NCF4: variants seen among roughly 807,000 people sequenced by gnomAD.
NCF4 encodes neutrophil cytosol factor 4.
In NCF4, 30 loss-of-function variants were observed where a neutral mutation model predicts 41.7. The ratio of observed to expected loss-of-function variants is 0.72; its 90% confidence interval spans 0.54 to 0.97. NCF4 has a LOEUF of 0.97. NCF4 is among the 50% of genes least tolerant of loss of function. NCF4 has a pLI of 0.00. For synonymous variants in NCF4, 195 were observed against 175.8 expected (o/e 1.11, Z -0.87); for missense variants, 432 against 460.9 (o/e 0.94, Z 0.57).
intron 5 of NCF4, 50 bp downstream of exon 5, chr22:36,870,592 G>A (rs1463785420): frequency 6.3e-7 from 1 of 1,599,432 alleles, no homozygotes; most frequent in Non-Finnish European, 8.5e-7. Flanking sequence ...CTGGGTCCCT[G>A]CTGGAAAAGC....
Position 36,870,186 on chromosome 22 carries a change from GC to G in NCF4, c.343-225del. 5.0e-6 allele frequency: 3 copies of G among 605,508 alleles called. 1 individual carries two copies. Among genetic ancestry groups the G allele is most frequent in the South Asian group, 3.9e-5 (2 of 51,844 alleles). The allele number at this position is 605,508 out of a possible 1,614,324, so 37.5% of individuals were successfully genotyped here. On this transcript the variant is annotated intron_variant, in intron 4 of 9. Coordinates refer to ENST00000248899, the MANE Select transcript of NCF4 (RefSeq NM_000631.5). ...TCTTTTCCAAATGGACTCTTCTCAA[GC>G]CCCTGGTCCCTCTCCTGACCTTGGA...
chr22:36,870,249 T>G (rs959207302), intron 4 of NCF4, 166 bp from the exon 5 acceptor site: 7 of 980,778 alleles, frequency 7.1e-6, no homozygotes, highest in Non-Finnish European at 1.1e-5. Flanking sequence ...ACCTTCAGCA[T>G]GCTGAGTTTT....
At chr22:36,861,318 A>G in intron 1 of NCF4, 115 bp downstream of exon 1, 1 of 1,343,230 alleles carries the variant, frequency 7.4e-7, no homozygotes, top group Non-Finnish European at 1.0e-6. Context: ...GGGTTGAGTC[A>G]GAACCCAAAT....
intron 6 of NCF4, among the ~76,000 whole-genome samples, chr22:36,871,953 C>T (rs1007525190): frequency 6.6e-6 from 1 of 152,268 alleles, no homozygotes; most frequent in Non-Finnish European, 1.5e-5. Context: ...CTACGCTCAT[C>T]CGGACAGTTT....
At position 36,867,423 on chromosome 22, in the gene NCF4, C is replaced by G; in HGVS notation, c.303C>G (p.Ile101Met). 1 of 1,614,164 alleles carries G rather than the reference C, an allele frequency of 6.2e-7. No individual in the cohort carries two copies. Residue 101 changes from isoleucine (I) to methionine (M), a missense_variant, in exon 4 of 10, where the codon ATC (isoleucine) becomes ATG (methionine). Ile to Met is a conservative substitution (Grantham distance 10). Coordinates refer to ENST00000248899, the MANE Select transcript of NCF4 (RefSeq NM_000631.5). ...AKVYVGVKQE[I>M]AEMRIPALNA... ...TCTACGTGGGTGTGAAACAGGAGAT[C>G]GCCGAGATGCGGATACCTGCCCTCA...
chr22:36,868,866 C>T (rs1442054940), intron 4 of NCF4, among the ~76,000 whole-genome samples: 2 of 152,168 alleles, frequency 1.3e-5, no homozygotes, highest in African/African-American at 4.8e-5. Context: ...TGCATACCCT[C>T]AGAGATGGGG....
At chr22:36,868,469 C>T (rs1315183712) in intron 4 of NCF4, among the ~76,000 whole-genome samples, 1 of 152,164 alleles carries the variant, frequency 6.6e-6, no homozygotes, top group Non-Finnish European at 1.5e-5. Flanking sequence ...ATCTTGACTC[C>T]TGATGGAGGG....
chr22:36,864,469 C>T (rs914635911), intron 2 of NCF4, among the ~76,000 whole-genome samples: 1 of 152,182 alleles, frequency 6.6e-6, no homozygotes, highest in Non-Finnish European at 1.5e-5. Context: ...ACCTCAGAAC[C>T]TCCACCTGGA....
At chr22:36,869,883 G>A (rs1940012000) in intron 4 of NCF4, among the ~76,000 whole-genome samples, 1 of 152,170 alleles carries the variant, frequency 6.6e-6, no homozygotes, top group Non-Finnish European at 1.5e-5. Context: ...GCCACCAACT[G>A]TTGTTAATTT....
At chr22:36,861,224 G>GC (rs1462420622) in intron 1 of NCF4, 21 bp downstream of exon 1, 3 of 1,551,162 alleles carry the variant, frequency 1.9e-6, no homozygotes, top group Non-Finnish European at 2.6e-6. Flanking sequence ...GGGTGTGGCC[G>GC]CCCCCGGGCC....
At chr22:36,873,687 G>A (rs563673562) in intron 7 of NCF4, among the ~76,000 whole-genome samples, 96 of 152,246 alleles carry the variant, frequency 6.3e-4, no homozygotes, top group African/African-American at 2.2e-3. Flanking sequence ...TCTGTAATGG[G>A]TGTCTCAGCA....
intron 1 of NCF4, 95 bp from the exon 2 acceptor site, chr22:36,863,947 CACA>C: frequency 8.7e-7 from 1 of 1,155,482 alleles, no homozygotes; most frequent in African/African-American, 1.5e-5. Context: ...ATGTTGGCTT[CACA>C]ACATTAGTTT....
In NCF4 at chr22:36,865,862, G is replaced by A. The variant is rs1278750556; in HGVS notation, c.271+790G>A. On this transcript the variant is annotated intron_variant, in intron 3 of 9. Coordinates refer to ENST00000248899, the MANE Select transcript of NCF4 (RefSeq NM_000631.5). This position sits in a 1 kb window ranked among gnomAD's most constrained non-coding sequence, Gnocchi z 4.3. ...TCTCTCTGTCTCAGCATATGACCCC[G>A]CTCCTTCTCATCCAGCCCCACCAAG... Among the ~76,000 whole-genome samples the A allele has an allele frequency of 1.3e-5, 2 of 151,844 alleles. No homozygotes were observed. Among genetic ancestry groups the A allele is most frequent in the Admixed American group, 6.6e-5 (1 of 15,236 alleles).
intron 3 of NCF4, among the ~76,000 whole-genome samples, chr22:36,866,257 CA>C (rs986111394): frequency 1.3e-5 from 2 of 152,080 alleles, no homozygotes; most frequent in Non-Finnish European, 2.9e-5. Flanking sequence ...CTGACTACTC[CA>C]CTGAAATTCC....
chr22:36,876,485 G>A (rs773476247), intron 9 of NCF4, among the ~76,000 whole-genome samples: 2 of 152,254 alleles, frequency 1.3e-5, no homozygotes, highest in Non-Finnish European at 1.5e-5. Flanking sequence ...TATAAAACTT[G>A]TACCAACTCA....
At chr22:36,871,511 G>A in intron 5 of NCF4, 141 bp from the exon 6 acceptor site, 1 of 909,562 alleles carries the variant, frequency 1.1e-6, no homozygotes, top group Non-Finnish European at 1.8e-6. Flanking sequence ...CCGCCCAGAG[G>A]AGCAATTGCA....
chr22:36,872,750 T>C, intron 7 of NCF4, among the ~76,000 whole-genome samples: 1 of 145,458 alleles, frequency 6.9e-6, no homozygotes, highest in African/African-American at 2.6e-5. Flanking sequence ...AGATTGGAGG[T>C]GAGGATGGAG....
chr22:36,862,027 G>A (rs566432947), intron 1 of NCF4, among the ~76,000 whole-genome samples: 77 of 152,328 alleles, frequency 5.1e-4, no homozygotes, highest in African/African-American at 1.9e-3. Context: ...CAAGGTTGGG[G>A]CTTGGAGCAC....
At chr22:36,864,566 G>T (rs560952239) in intron 2 of NCF4, among the ~76,000 whole-genome samples, 11 of 152,284 alleles carry the variant, frequency 7.2e-5, no homozygotes, top group Non-Finnish European at 1.2e-4. Flanking sequence ...TGCACCCACA[G>T]CACAGCCAGG....
Sources: gnomAD v4.1 joint callset for allele counts (sites outside exome capture counted in the v4.1 genomes callset) on GRCh38, gnomAD v4.1.1 for gene constraint, Gnocchi (gnomAD v3.1) non-coding constraint, MANE v1.5 for transcripts, NCBI Gene and HGNC (gene_info 2026-07-23, HGNC 2026-07-21) for gene names.